Variants in EEIG2 observed in about 807,000 individuals in gnomAD.
EEIG2 encodes EEIG family member 2, also known as family with sequence similarity 102 member B.
At chr1:108,615,372 A>G in the EEIG2 span, among the ~76,000 whole-genome samples, 1 of 152,220 alleles carries the variant, frequency 6.6e-6, no homozygotes, top group African/African-American at 2.4e-5. Context: ...TGTTGTTACT[A>G]TTACCATTAT....
chr1:108,593,639 T>G, the EEIG2 span, among the ~76,000 whole-genome samples: 1 of 152,192 alleles, frequency 6.6e-6, no homozygotes, highest in Non-Finnish European at 1.5e-5. Flanking sequence ...CTAGTCAAGC[T>G]GGTAGGTTAC....
At chr1:108,591,154 C>T in the EEIG2 span, among the ~76,000 whole-genome samples, 70 of 152,282 alleles carry the variant, frequency 4.6e-4, no homozygotes, top group African/African-American at 1.7e-3. Flanking sequence ...AAACCATTTA[C>T]TAATGTGACT....
chr1:108,616,436 G>GTCT, the EEIG2 span: 1 of 1,554,236 alleles, frequency 6.4e-7, no homozygotes, highest in Non-Finnish European at 8.9e-7. Context: ...AACGTAAGTT[G>GTCT]ATACCCAATA....
chr1:108,612,353 T>C, the EEIG2 span: 1 of 1,108,242 alleles, frequency 9.0e-7, no homozygotes, highest in Non-Finnish European at 1.3e-6. Flanking sequence ...TAAATAAGCG[T>C]ATGTATATAT....
the EEIG2 span, among the ~76,000 whole-genome samples, chr1:108,579,976 G>A: frequency 6.6e-6 from 1 of 151,978 alleles, no homozygotes; most frequent in Admixed American, 6.6e-5. Context: ...TGTTGCCTGG[G>A]CTGGTCTCGA....
At chr1:108,617,178 T>A in the EEIG2 span, among the ~76,000 whole-genome samples, 3 of 152,090 alleles carry the variant, frequency 2.0e-5, no homozygotes, top group Non-Finnish European at 4.4e-5. Context: ...TGAGGTCAGA[T>A]GATAAGGAGT....
the EEIG2 span, among the ~76,000 whole-genome samples, chr1:108,561,432 G>T: frequency 1.3e-5 from 2 of 152,124 alleles, no homozygotes; most frequent in Non-Finnish European, 2.9e-5. Flanking sequence ...AGATCAAGAA[G>T]GGTTAAAAGT....
the EEIG2 span, among the ~76,000 whole-genome samples, chr1:108,564,709 G>A: frequency 1.3e-5 from 2 of 152,122 alleles, no homozygotes; most frequent in East Asian, 1.9e-4. Context: ...TTGGGAGGCC[G>A]AGACACGCGG....
At chr1:108,620,868 C>T in the EEIG2 span, among the ~76,000 whole-genome samples, 12 of 152,272 alleles carry the variant, frequency 7.9e-5, no homozygotes, top group East Asian at 7.7e-4. Flanking sequence ...TCACTGATTA[C>T]GTGGGAGACA....
At chr1:108,604,258 G>GT in the EEIG2 span, among the ~76,000 whole-genome samples, 2 of 152,154 alleles carry the variant, frequency 1.3e-5, no homozygotes, top group Non-Finnish European at 1.5e-5. Context: ...AATTATAATT[G>GT]TAAGTATTGG....
chr1:108,607,125 G>T, the EEIG2 span, among the ~76,000 whole-genome samples: 1 of 152,184 alleles, frequency 6.6e-6, no homozygotes, highest in Non-Finnish European at 1.5e-5. Context: ...TTCAAAACTG[G>T]TCAATCCACT....
chr1:108,562,155 T>G, the EEIG2 span, among the ~76,000 whole-genome samples: 1 of 152,228 alleles, frequency 6.6e-6, no homozygotes, highest in Admixed American at 6.5e-5. Flanking sequence ...AAAGCATAAC[T>G]AACTTTCCTA....
At chr1:108,606,329 GT>G in the EEIG2 span, 2 of 1,020,454 alleles carry the variant, frequency 2.0e-6, no homozygotes, top group East Asian at 2.6e-5. Context: ...AAATTAAATT[GT>G]TTACTCTTCT....
the EEIG2 span, chr1:108,600,415 A>G: frequency 1.3e-6 from 1 of 753,534 alleles, no homozygotes; most frequent in South Asian, 3.0e-5. Flanking sequence ...TCACATTGTT[A>G]GGAATTTGCT....
chr1:108,624,559 C>A, the EEIG2 span: 1 of 1,167,094 alleles, frequency 8.6e-7, no homozygotes, highest in South Asian at 1.4e-5. Context: ...GCAGTCTATG[C>A]TAAGGCTTAC....
the EEIG2 span, among the ~76,000 whole-genome samples, chr1:108,576,164 A>G: frequency 6.6e-6 from 1 of 152,176 alleles, no homozygotes; most frequent in Admixed American, 6.5e-5. Context: ...AAGCTTTCTT[A>G]AAAAAGCATT....
the EEIG2 span, chr1:108,628,365 T>TG: frequency 6.2e-7 from 1 of 1,611,980 alleles, no homozygotes; most frequent in East Asian, 2.2e-5. Flanking sequence ...TTGATATGAG[T>TG]ATTATATCCA....
chr1:108,604,879 AAAG>A, the EEIG2 span, among the ~76,000 whole-genome samples: 3 of 151,408 alleles, frequency 2.0e-5, no homozygotes, highest in Non-Finnish European at 4.4e-5. Context: ...AAAAAAAAAA[AAAG>A]AGAAAAAAAA....
chr1:108,629,398 A>T, the EEIG2 span, among the ~76,000 whole-genome samples: 1 of 152,226 alleles, frequency 6.6e-6, no homozygotes, highest in African/African-American at 2.4e-5. Flanking sequence ...GAGTTTTAGA[A>T]ACATTGAAGA....
Sources: allele counts gnomAD v4.1 joint callset (sites outside exome capture counted in the v4.1 genomes callset), GRCh38; gene constraint gnomAD v4.1.1; transcripts MANE v1.5; gene names NCBI Gene and HGNC (gene_info 2026-07-23, HGNC 2026-07-21).